Variants in PTPRN2 observed in about 807,000 individuals in gnomAD.
PTPRN2 encodes receptor-type tyrosine-protein phosphatase N2.
A neutral mutation model predicts 118.8 loss-of-function variants in PTPRN2; 74 were observed. The ratio of observed to expected loss-of-function variants is 0.62; its 90% CI spans 0.52 to 0.76. The LOEUF (loss-of-function observed/expected upper bound fraction) is 0.76. Ranked by LOEUF, PTPRN2 falls within the 30% of genes least tolerant of loss-of-function variation. The probability of loss-of-function intolerance (pLI) is 0.00; values close to 1 mark genes in which losing one functional copy is unlikely to be tolerated. For missense variants in PTPRN2, 1,481 were observed against 1,394.4 expected (o/e 1.06, Z -0.99); for synonymous variants, 641 against 608.0 (o/e 1.05, Z -0.80).
intron 10 of PTPRN2, among the ~76,000 whole-genome samples, chr7:158,108,221 T>C (rs1468304335): frequency 6.6e-6 from 1 of 151,494 alleles, no homozygotes; most frequent in Non-Finnish European, 1.5e-5. Context: ...CCTGGATCTC[T>C]ACAGCCCACT....
chr7:158,097,441 C>G (rs761950540), intron 10 of PTPRN2, among the ~76,000 whole-genome samples: 6 of 152,224 alleles, frequency 3.9e-5, no homozygotes, highest in Non-Finnish European at 7.3e-5. Flanking sequence ...CTTCTCCCAC[C>G]AGGAGAGCAC....
rs1310980492 is a variant in PTPRN2, at chr7:157,587,254, ACAGACAGGCAGACAAACAGG to A, written c.2496+7964_2496+7983del. Among the ~76,000 whole-genome samples, 7 of 139,238 alleles carry A rather than the reference ACAGACAGGCAGACAAACAGG, an allele frequency of 5.0e-5. No homozygotes were observed. The East Asian group carries it at 1.6e-3, about 32-fold the overall frequency. 91.3% of individuals were successfully genotyped at this position (139,238 alleles called of 152,430 possible). ...GACAGGCAGACAGCGAGACAGGCAG[ACAGACAGGCAGACAAACAGG>A]CAGACAGGCAGACGAGCCACTGGTG... On this transcript the variant is annotated intron_variant, in intron 17 of 22. Coordinates refer to ENST00000389418, the MANE Select transcript of PTPRN2 (RefSeq NM_002847.5). The surrounding 1 kb of genome is among the most constrained non-coding windows in gnomAD (Gnocchi z 5.3).
At chr7:157,669,548 C>G (rs1163969736) in intron 13 of PTPRN2, 1 of 490,612 alleles carries the variant, frequency 2.0e-6, no homozygotes, top group African/African-American at 1.9e-5. Context: ...GCTGTAAGCA[C>G]AGCTCCTGCA....
chr7:157,986,990 C>G lies in PTPRN2; in HGVS notation c.1724-88253G>C, dbSNP rs1419845897. ...TGGACACGCTGGGGTTCACCTGTGT[C>G]CCAGGAGAACCCCGCTTTAGGATAT... On this transcript the variant is annotated intron_variant, in intron 11 of 22. Transcript: ENST00000389418. This position sits in a 1 kb window ranked among gnomAD's most constrained non-coding sequence, Gnocchi z 4.5. 6.6e-6 allele frequency among the ~76,000 whole-genome samples: 1 copy of G among 152,122 alleles called. No individual in the cohort carries two copies. Among genetic ancestry groups the G allele is most frequent in the African/African-American group, 2.4e-5 (1 of 41,402 alleles).
chr7:158,549,646 C>T (rs1420597054), intron 1 of PTPRN2, among the ~76,000 whole-genome samples: 5 of 152,238 alleles, frequency 3.3e-5, no homozygotes, highest in African/African-American at 4.8e-5. Context: ...TCGCTCCAAA[C>T]GCTGGAAGCT....
intron 12 of PTPRN2, among the ~76,000 whole-genome samples, chr7:157,755,851 C>G (rs577821627): frequency 1.3e-5 from 2 of 152,284 alleles, no homozygotes; most frequent in East Asian, 1.9e-4. Context: ...ACCCAGGAAG[C>G]AAACCTGCAC....
intron 3 of PTPRN2, among the ~76,000 whole-genome samples, chr7:158,255,655 A>G (rs1260118652): frequency 1.3e-5 from 2 of 152,100 alleles, no homozygotes; most frequent in Non-Finnish European, 2.9e-5. Flanking sequence ...CCAAACTATG[A>G]GTCTCACAGT....
intron 2 of PTPRN2, among the ~76,000 whole-genome samples, chr7:158,318,492 AG>A (rs1282462048): frequency 6.6e-6 from 1 of 152,138 alleles, no homozygotes; most frequent in Non-Finnish European, 1.5e-5. Flanking sequence ...GCCACGGGCC[AG>A]GAAGAACCAA....
chr7:157,701,871 G>A (rs897525931), intron 12 of PTPRN2, among the ~76,000 whole-genome samples: 2 of 149,188 alleles, frequency 1.3e-5, no homozygotes, highest in African/African-American at 5.0e-5. Flanking sequence ...TAACTGACAC[G>A]GGCTGTGGGT....
intron 11 of PTPRN2, among the ~76,000 whole-genome samples, chr7:158,076,402 C>G (rs1812360782): frequency 6.6e-6 from 1 of 152,198 alleles, no homozygotes; most frequent in Non-Finnish European, 1.5e-5. Flanking sequence ...CCCTGGGGAG[C>G]TGGTGCATGG....
intron 11 of PTPRN2, among the ~76,000 whole-genome samples, chr7:157,969,826 T>G (rs1464419209): frequency 6.6e-6 from 1 of 151,900 alleles, no homozygotes; most frequent in Non-Finnish European, 1.5e-5. Flanking sequence ...ACCTGGATGT[T>G]GACTCTCCTG....
intron 10 of PTPRN2, among the ~76,000 whole-genome samples, chr7:158,094,311 GT>G (rs1218713585): frequency 1.6e-3 from 248 of 151,980 alleles, no homozygotes; most frequent in African/African-American, 3.6e-3. Context: ...TTTCTGTTTT[GT>G]TTTTGTTTTT....
intron 9 of PTPRN2, among the ~76,000 whole-genome samples, chr7:158,120,515 T>A (rs1817073996): frequency 6.6e-6 from 1 of 152,192 alleles, no homozygotes; most frequent in South Asian, 2.1e-4. Context: ...TGAGCCAAGT[T>A]CCTGCTGGAT....
chr7:158,336,043 A>G (rs1426029183), intron 2 of PTPRN2, among the ~76,000 whole-genome samples: 2 of 6,364 alleles, frequency 3.1e-4, no homozygotes, highest in East Asian at 1.8e-3. Flanking sequence ...GACACCTGCA[A>G]ATGTCACTCA....
chr7:157,936,084 G>A (rs1049496764), intron 11 of PTPRN2, among the ~76,000 whole-genome samples: 4 of 152,202 alleles, frequency 2.6e-5, no homozygotes, highest in African/African-American at 4.8e-5. Flanking sequence ...TGTGTGCTTC[G>A]CAATCCGAAA....
At chr7:158,506,718 C>T (rs1468832050) in intron 1 of PTPRN2, among the ~76,000 whole-genome samples, 1 of 151,994 alleles carries the variant, frequency 6.6e-6, no homozygotes, top group Non-Finnish European at 1.5e-5. Context: ...CCAACCCCAC[C>T]TCCACCCAGG....
intron 2 of PTPRN2, among the ~76,000 whole-genome samples, chr7:158,337,416 CACACTCTCACCA>C: frequency 6.9e-6 from 1 of 144,054 alleles, no homozygotes; most frequent in Admixed American, 6.9e-5. Context: ...CCCTCACACC[CACACTCTCACCA>C]TAAGAGGTGA....
At chr7:158,518,517 C>T (rs181118953) in intron 1 of PTPRN2, among the ~76,000 whole-genome samples, 16 of 152,188 alleles carry the variant, frequency 1.1e-4, no homozygotes, top group Admixed American at 5.2e-4. Flanking sequence ...CTAAAGGATA[C>T]GGCTCAAGCT....
At chr7:157,966,107 ACTT>A (rs1192386585) in intron 11 of PTPRN2, among the ~76,000 whole-genome samples, 1 of 151,562 alleles carries the variant, frequency 6.6e-6, no homozygotes. Context: ...GCCACATTGA[ACTT>A]CTTCTCACTA....
Sources: gnomAD v4.1 joint callset for allele counts (sites outside exome capture counted in the v4.1 genomes callset) on GRCh38, gnomAD v4.1.1 for gene constraint, Gnocchi (gnomAD v3.1) non-coding constraint, MANE v1.5 for transcripts, NCBI Gene and HGNC (gene_info 2026-07-23, HGNC 2026-07-21) for gene names.